The following SIDT1 variants were observed in gnomAD, a reference collection of about 807,000 sequenced individuals.
SIDT1 encodes SID1 transmembrane family member 1.
A neutral mutation model predicts 107.5 loss-of-function variants in SIDT1; 101 were observed. The ratio of observed to expected loss-of-function variants is 0.94; its 90% CI spans 0.80 to 1.11. The LOEUF is 1.11. Ranked by LOEUF, SIDT1 falls within the 50% of genes least tolerant of loss-of-function variation. The pLI is 0.00. For synonymous variants in SIDT1, 395 were observed against 398.2 expected (o/e 0.99, Z 0.10); for missense variants, 1,076 against 1,058.2 (o/e 1.02, Z -0.23).
chr3:113,598,015 A>T (rs1322923712), intron 10 of SIDT1, among the ~76,000 whole-genome samples: 1 of 152,262 alleles, frequency 6.6e-6, no homozygotes, highest in African/African-American at 2.4e-5. Context: ...GAATACTGTT[A>T]TCCCATGTTG....
intron 1 of SIDT1, among the ~76,000 whole-genome samples, chr3:113,550,490 G>T (rs1224041820): frequency 1.3e-5 from 2 of 152,156 alleles, no homozygotes; most frequent in African/African-American, 4.8e-5. Flanking sequence ...TGTTACTTGG[G>T]CAGTCAGTAT....
chr3:113,633,143 C>G (rs1032741736), downstream of SIDT1: 1 of 152,062 alleles, frequency 6.6e-6, no homozygotes, highest in South Asian at 2.1e-4. Context: ...TGGAGGCCTC[C>G]CTAAGAGACC....
At chr3:113,575,636 G>A (rs75106239) in intron 3 of SIDT1, among the ~76,000 whole-genome samples, 4,027 of 152,248 alleles carry the variant, frequency 0.026, 89 homozygotes, top group East Asian at 0.089. Context: ...GCTAAATTCT[G>A]AGCCCAGCCT....
chr3:113,550,333 G>A (rs139268384), intron 1 of SIDT1, among the ~76,000 whole-genome samples: 39 of 152,250 alleles, frequency 2.6e-4, no homozygotes, highest in African/African-American at 9.1e-4. Context: ...TCTTATAATA[G>A]AGGTAAATTT....
chr3:113,551,107 T>G (rs1435728126), intron 1 of SIDT1, among the ~76,000 whole-genome samples: 1 of 152,234 alleles, frequency 6.6e-6, no homozygotes, highest in East Asian at 1.9e-4. Context: ...TTCTCTTTTA[T>G]GGCTGTGTAG....
At chr3:113,624,422 T>C (rs1560148353) in intron 23 of SIDT1, among the ~76,000 whole-genome samples, 4 of 152,236 alleles carry the variant, frequency 2.6e-5, no homozygotes. Flanking sequence ...TGCTGTAACA[T>C]ACATAGTACT....
At chr3:113,614,494 G>A (rs1442536865) in intron 19 of SIDT1, among the ~76,000 whole-genome samples, 1 of 152,198 alleles carries the variant, frequency 6.6e-6, no homozygotes, top group African/African-American at 2.4e-5. Context: ...GACAATGATT[G>A]TGTCTAAATT....
intron 21 of SIDT1, among the ~76,000 whole-genome samples, chr3:113,622,894 G>A (rs1030678362): frequency 3.0e-4 from 45 of 152,158 alleles, no homozygotes; most frequent in African/African-American, 1.1e-3. Flanking sequence ...TAAATTAAAA[G>A]TTACTTATAT....
chr3:113,561,054 A>G (rs1024549779), intron 1 of SIDT1, among the ~76,000 whole-genome samples: 1 of 152,214 alleles, frequency 6.6e-6, no homozygotes, highest in Admixed American at 6.5e-5. Flanking sequence ...GGAAAAAGCA[A>G]CAAGAGGAAA....
chr3:113,553,931 C>T (rs538923224), intron 1 of SIDT1, among the ~76,000 whole-genome samples: 9 of 152,204 alleles, frequency 5.9e-5, no homozygotes, highest in Non-Finnish European at 1.0e-4. Flanking sequence ...CCTGTAACCC[C>T]AGCTACTTGG....
At chr3:113,568,319 G>C (rs1014789598) in intron 3 of SIDT1, among the ~76,000 whole-genome samples, 1 of 152,094 alleles carries the variant, frequency 6.6e-6, no homozygotes, top group Non-Finnish European at 1.5e-5. Flanking sequence ...ATTAAGGCCG[G>C]GTGTGGTGGC....
chr3:113,619,722 T>A lies in SIDT1; in HGVS notation c.2086T>A (p.Ser696Thr). Residue 696 changes from serine (S) to threonine (T), a missense_variant, in exon 21 of 25, where the codon TCC (serine) becomes ACC (threonine). By Grantham distance (58) the Ser-to-Thr change is moderately conservative (BLOSUM62 1). Transcript: ENST00000264852. ...LLVVGNLVNW[S>T]FALFGLIYRP... is the part of the protein sequence containing the mutation. ...GGTTGTGGGGAATCTGGTTAACTGG[T>A]CCTTGTAAGTAGTCTTATGAAAACA... 6.2e-7 allele frequency: 1 copy of A among 1,614,022 alleles called. No individual in the cohort carries two copies. The highest frequency in any genetic ancestry group is 8.5e-7 in the Non-Finnish European group (1 of 1,179,882).
In SIDT1 at chr3:113,567,580, T is replaced by G. The variant is rs200413469; in HGVS notation, c.385T>G (p.Leu129Val). The change falls in exon 3 of 25, where the codon TTA (leucine) becomes GTA (valine). Residue 129 changes from leucine (L) to valine (V), a missense_variant. Leu to Val is a conservative substitution (Grantham distance 32). Coordinates refer to ENST00000264852, the MANE Select transcript of SIDT1 (RefSeq NM_017699.3). ...CAACTATCAAGAAGTGAGCCGCACCTTATGTCCCTCAGAAGCAACCAATGA... is the reference window on the plus strand; with the variant it reads ...CAACTATCAAGAAGTGAGCCGCACCGTATGTCCCTCAGAAGCAACCAATGA... ...SYNYQEVSRT[L>V]CPSEATNETG... 7.4e-6 allele frequency: 12 copies of G among 1,614,086 alleles called. No homozygotes were observed. Among genetic ancestry groups the G allele is most frequent in the Non-Finnish European group, 9.3e-6 (11 of 1,180,002 alleles).
chr3:113,581,249 A>G, intron 5 of SIDT1, 112 bp from the exon 6 acceptor site: 2 of 846,274 alleles, frequency 2.4e-6, no homozygotes, highest in Non-Finnish European at 1.9e-6. Context: ...CTGGTTAATA[A>G]GGATCCCCTG....
intron 1 of SIDT1, among the ~76,000 whole-genome samples, chr3:113,562,060 C>T (rs547060242): frequency 8.5e-5 from 13 of 152,290 alleles, no homozygotes; most frequent in African/African-American, 2.6e-4. Context: ...TGCATTCTGC[C>T]AGGCACCAAG....
At chr3:113,598,377 CACAG>C (rs1414116568) in intron 10 of SIDT1, among the ~76,000 whole-genome samples, 5 of 152,210 alleles carry the variant, frequency 3.3e-5, no homozygotes, top group African/African-American at 7.2e-5. Context: ...TGATTACACA[CACAG>C]ACAGAGAACA....
chr3:113,611,031 G>T lies in SIDT1; in HGVS notation c.1744G>T (p.Ala582Ser), dbSNP rs750227643. ...AGACACCTCCTTCATGTACATGATC[G>T]CTGGCCTGTGCATGCTGAAGCTCTA... is the stretch of plus-strand genomic sequence containing the variant. ...QFDTSFMYMI[A>S]GLCMLKLYQT... The change falls in exon 18 of 25, where the codon GCT (alanine) becomes TCT (serine). Residue 582 changes from alanine to serine, a missense_variant. By Grantham distance (99) the Ala-to-Ser change is moderately conservative. Transcript: ENST00000264852. The T allele has an allele frequency of 6.5e-5, 105 of 1,613,566 alleles. No homozygotes were observed. The highest frequency in any genetic ancestry group is 1.7e-4 in the Admixed American group (10 of 59,962).
intron 1 of SIDT1, among the ~76,000 whole-genome samples, chr3:113,555,279 C>A (rs1411480592): frequency 6.6e-6 from 1 of 152,188 alleles, no homozygotes; most frequent in Non-Finnish European, 1.5e-5. Flanking sequence ...CTATGTCATG[C>A]AATCCCACAG....
chr3:113,611,089 C>A lies in SIDT1; in HGVS notation c.1802C>A (p.Ala601Asp). 6.2e-7 allele frequency: 1 copy of A among 1,614,172 alleles called. No homozygotes were observed. Among genetic ancestry groups the A allele is most frequent in the Non-Finnish European group, 8.5e-7 (1 of 1,180,032 alleles). The change falls in exon 18 of 25, where the codon GCC becomes GAC. Residue 601 changes from alanine to aspartate, a missense_variant. Ala to Asp is a moderately radical substitution (Grantham distance 126, BLOSUM62 -2). Transcript: ENST00000264852. ...CGCCACCCAGACATCAATGCCAGCG[C>A]CTACTCTGCCTATGCCTCCTTTGCT... ...QTRHPDINAS[A>D]YSAYASFAVV...
Sources: gnomAD v4.1 joint callset for allele counts (sites outside exome capture counted in the v4.1 genomes callset) on GRCh38, gnomAD v4.1.1 for gene constraint, MANE v1.5 for transcripts, NCBI Gene and HGNC (gene_info 2026-07-23, HGNC 2026-07-21) for gene names.